Variants in ESRRG observed in about 807,000 individuals in gnomAD.
ESRRG encodes the protein estrogen-related receptor gamma.
In ESRRG, 13 loss-of-function variants were observed where a neutral mutation model predicts 44.0. That is an observed-to-expected ratio of 0.30 (90% CI 0.19 to 0.47). ESRRG has a LOEUF of 0.47. ESRRG is among the 20% of genes least tolerant of loss of function. ESRRG has a pLI of 1.00. For missense variants in ESRRG, 395 were observed against 580.6 expected, an observed-to-expected ratio of 0.68 and a Z score of 3.29; for synonymous variants, 215 against 214.6, an observed-to-expected ratio of 1.00 and a Z score of -0.02.
At chr1:216,532,564 A>G (rs1370718966) in intron 5 of ESRRG, among the ~76,000 whole-genome samples, 2 of 152,214 alleles carry the variant, frequency 1.3e-5, no homozygotes, top group African/African-American at 4.8e-5. Flanking sequence ...CGCAATGACT[A>G]TTTTGTTTCC....
intron 1 of ESRRG, among the ~76,000 whole-genome samples, chr1:217,045,003 C>T (rs1287838043): frequency 6.6e-6 from 1 of 152,176 alleles, no homozygotes; most frequent in Non-Finnish European, 1.5e-5. Context: ...AGCCCATTGT[C>T]ATTTATTTTA....
chr1:216,663,683 C>A (rs538181711), intron 2 of ESRRG, among the ~76,000 whole-genome samples: 97 of 152,046 alleles, frequency 6.4e-4, no homozygotes, highest in African/African-American at 2.3e-3. Context: ...ACAACAACAA[C>A]AAAAAGGGAC....
intron 5 of ESRRG, among the ~76,000 whole-genome samples, chr1:216,558,406 G>GT (rs2058032800): frequency 6.6e-6 from 1 of 151,498 alleles, no homozygotes; most frequent in South Asian, 2.1e-4. Flanking sequence ...AATTATGACA[G>GT]TATCTACACA....
chr1:216,934,438 A>G (rs777272334), intron 2 of ESRRG, among the ~76,000 whole-genome samples: 4 of 152,168 alleles, frequency 2.6e-5, no homozygotes, highest in Admixed American at 6.5e-5. Flanking sequence ...CATCTCAAAA[A>G]TAAAAAGAAA....
chr1:216,951,773 A>G (rs1385711322), intron 1 of ESRRG, among the ~76,000 whole-genome samples: 1 of 150,950 alleles, frequency 6.6e-6, no homozygotes, highest in Non-Finnish European at 1.5e-5. Flanking sequence ...AGCAAAAAAT[A>G]AAAGCTTGCA....
intron 2 of ESRRG, among the ~76,000 whole-genome samples, chr1:216,903,185 A>T (rs2059283562): frequency 6.6e-6 from 1 of 152,134 alleles, no homozygotes; most frequent in Non-Finnish European, 1.5e-5. Context: ...GGCCTATACC[A>T]TCTAGCATAG....
chr1:217,046,216 T>G (rs986971004), intron 1 of ESRRG, among the ~76,000 whole-genome samples: 2 of 151,786 alleles, frequency 1.3e-5, no homozygotes. Flanking sequence ...ATACCCCTGA[T>G]GGATACTAGC....
chr1:217,028,460 C>G (rs1192752940), intron 1 of ESRRG, among the ~76,000 whole-genome samples: 2 of 152,134 alleles, frequency 1.3e-5, no homozygotes, highest in Non-Finnish European at 2.9e-5. Context: ...TATTTGATGC[C>G]AAGTTCAGAG....
chr1:217,132,459 T>A (rs1005619427), intron 1 of ESRRG, among the ~76,000 whole-genome samples: 22 of 152,162 alleles, frequency 1.4e-4, no homozygotes, highest in African/African-American at 5.1e-4. Flanking sequence ...AGGTGGGGAA[T>A]TTCAAGGCTC....
chr1:216,984,533 G>C (rs1483002053), intron 1 of ESRRG, among the ~76,000 whole-genome samples: 1 of 152,130 alleles, frequency 6.6e-6, no homozygotes, highest in Non-Finnish European at 1.5e-5. Flanking sequence ...CCTATAATGG[G>C]AAAGTGCTTA....
intron 1 of ESRRG, among the ~76,000 whole-genome samples, chr1:217,124,094 C>T (rs2092859656): frequency 6.6e-6 from 1 of 152,134 alleles, no homozygotes. Flanking sequence ...AATATGTGCA[C>T]TCACCTTCCC....
chr1:216,582,450 C>CT (rs896902328), intron 3 of ESRRG, among the ~76,000 whole-genome samples: 33 of 151,348 alleles, frequency 2.2e-4, no homozygotes, highest in South Asian at 1.0e-3. Flanking sequence ...CAATTCTTTT[C>CT]TTTTTTTTTG....
chr1:216,533,650 T>C (rs560104717), intron 5 of ESRRG, among the ~76,000 whole-genome samples: 13 of 152,122 alleles, frequency 8.5e-5, no homozygotes, highest in Non-Finnish European at 1.5e-4. Flanking sequence ...GAAGTTGAAA[T>C]AAAAACTCGA....
At chr1:216,767,275 A>T (rs2093129922) in intron 2 of ESRRG, among the ~76,000 whole-genome samples, 1 of 150,998 alleles carries the variant, frequency 6.6e-6, no homozygotes, top group Admixed American at 6.6e-5. Context: ...AAAAACACAC[A>T]CACACACACG....
intron 6 of ESRRG, among the ~76,000 whole-genome samples, chr1:216,513,871 G>A (rs771341558): frequency 6.6e-6 from 1 of 152,110 alleles, no homozygotes; most frequent in Non-Finnish European, 1.5e-5. Flanking sequence ...ATATCAATTT[G>A]GGTGGTGAAT....
rs576644575 is a variant in ESRRG at position 216,718,875 on chromosome 1, A to T, written c.56+4369T>A. Among the ~76,000 whole-genome samples, 30 of 152,156 alleles carry T rather than the reference A, an allele frequency of 2.0e-4. 1 individual carries two copies. Among genetic ancestry groups the T allele is most frequent in the African/African-American group, 7.2e-4 (30 of 41,574 alleles). ...CTAAAGTTCTACTGAGATCCCTCAG[A>T]TCCTCTCCTCTTATTTCTAAAAGCT... On this transcript the variant is annotated intron_variant, in intron 1 of 6. Coordinates refer to ENST00000408911, the MANE Select transcript of ESRRG (RefSeq NM_001438.4).
chr1:216,961,078 T>C (rs1036083166), intron 1 of ESRRG, among the ~76,000 whole-genome samples: 1 of 152,162 alleles, frequency 6.6e-6, no homozygotes, highest in Non-Finnish European at 1.5e-5. Context: ...AGAGACAAAG[T>C]GATCAATGGG....
intron 1 of ESRRG, among the ~76,000 whole-genome samples, chr1:217,007,849 A>G (rs1028688938): frequency 2.0e-5 from 3 of 152,134 alleles, no homozygotes; most frequent in East Asian, 1.9e-4. Context: ...AAGGGGGGAA[A>G]AATCCCAAGC....
At chr1:216,891,789 G>A (rs2057822031) in intron 2 of ESRRG, among the ~76,000 whole-genome samples, 1 of 145,830 alleles carries the variant, frequency 6.9e-6, no homozygotes, top group Non-Finnish European at 1.5e-5. Context: ...TTAGTGTGGT[G>A]CCCGCTTTTT....
Sources: gnomAD v4.1 joint callset for allele counts (sites outside exome capture counted in the v4.1 genomes callset) on GRCh38, gnomAD v4.1.1 for gene constraint, MANE v1.5 for transcripts, NCBI Gene and HGNC (gene_info 2026-07-23, HGNC 2026-07-21) for gene names.